The following PLXNC1 variants were observed in gnomAD, a reference collection of about 807,000 sequenced individuals.
PLXNC1 encodes plexin-C1.
Under a neutral mutation model 178.2 loss-of-function variants are expected in PLXNC1, and 75 were observed. The observed-to-expected ratio is 0.42, with a 90% CI of 0.35 to 0.51. The LOEUF (loss-of-function observed/expected upper bound fraction) is 0.51. Ranked by LOEUF, PLXNC1 falls within the 20% of genes least tolerant of loss-of-function variation. The pLI is 0.02. For synonymous variants in PLXNC1, 790 were observed against 779.9 expected, an observed-to-expected ratio of 1.01 and a Z score of -0.22; for missense variants, 1,503 against 1,984.4, an observed-to-expected ratio of 0.76 and a Z score of 4.61.
chr12:94,218,932 G>A (rs777859241), intron 5 of PLXNC1, among the ~76,000 whole-genome samples: 38 of 152,238 alleles, frequency 2.5e-4, no homozygotes, highest in South Asian at 4.1e-4. Context: ...ATCAAGGCAC[G>A]CTGTCTTAAA....
At chr12:94,258,106 G>T (rs1234088109) in intron 17 of PLXNC1, among the ~76,000 whole-genome samples, 1 of 152,086 alleles carries the variant, frequency 6.6e-6, no homozygotes, top group East Asian at 1.9e-4. Flanking sequence ...CTGCCCGGGC[G>T]ACAGAGCAAG....
chr12:94,149,592 C>T lies in PLXNC1; in HGVS notation c.621C>T (p.Leu207=). The T allele has an allele frequency of 1.9e-6, 3 of 1,574,808 alleles. No homozygotes were observed. Among genetic ancestry groups the T allele is most frequent in the Non-Finnish European group, 2.6e-6 (3 of 1,162,476 alleles). ...CCGACCACGACACGGCCATCGCGCT[C>T]AAGGACACGGAGGGGCGCAGCCTGG... The part of the protein sequence containing the change: ...AASDHDTAIA[L]KDTEGRSLAT... The change falls in exon 1 of 31, where the codon CTC becomes CTT. Residue 207 remains leucine (L), a synonymous_variant. Transcript: ENST00000258526.
chr12:94,163,816 A>G (rs1961486484), intron 1 of PLXNC1, among the ~76,000 whole-genome samples: 1 of 152,176 alleles, frequency 6.6e-6, no homozygotes. Context: ...TAACTTAGTC[A>G]GATCCCGGTC....
At chr12:94,199,814 T>C (rs1284558377) in intron 4 of PLXNC1, among the ~76,000 whole-genome samples, 3 of 152,292 alleles carry the variant, frequency 2.0e-5, no homozygotes, top group Non-Finnish European at 4.4e-5. Context: ...TTTTTTTAGA[T>C]GGAGTCTCAT....
intron 5 of PLXNC1, among the ~76,000 whole-genome samples, chr12:94,219,029 A>G (rs1963720154): frequency 6.6e-6 from 1 of 152,230 alleles, no homozygotes; most frequent in African/African-American, 2.4e-5. Flanking sequence ...AATTTTTCTA[A>G]CATTAAGGCA....
Position 94,224,209 on chromosome 12 carries a change from TTTCCCCCC to T in PLXNC1, c.1703-13_1703-6del. 6.8e-7 allele frequency: 1 copy of T among 1,460,542 alleles called. No individual in the cohort carries two copies. The highest frequency in any genetic ancestry group is 9.6e-7 in the Non-Finnish European group (1 of 1,039,994). The allele number at this position is 1,460,542 out of a possible 1,614,324, so 90.5% of individuals were successfully genotyped here. On this transcript the variant is annotated splice_polypyrimidine_tract_variant and intron_variant, in intron 6 of 30. Transcript: ENST00000258526. The stretch of plus-strand genomic sequence containing the variant: ...AGCAGGACTCCACCGTAAATGACAT[TTTCCCCCC>T]TTCCCTCCAGATGTTTCAGTTGTCA...
intron 2 of PLXNC1, among the ~76,000 whole-genome samples, chr12:94,180,050 C>T (rs1962250333): frequency 6.6e-6 from 1 of 152,162 alleles, no homozygotes; most frequent in Non-Finnish European, 1.5e-5. Context: ...CTCCCGATGG[C>T]TCTTCATACC....
chr12:94,181,340 A>T, intron 2 of PLXNC1, 106 bp from the exon 3 acceptor site: 1 of 724,518 alleles, frequency 1.4e-6, no homozygotes, highest in Admixed American at 2.8e-5. Flanking sequence ...GTGAGCCAAG[A>T]TCATGCCAAT....
At chr12:94,222,408 A>G (rs1287318939) in intron 6 of PLXNC1, among the ~76,000 whole-genome samples, 1 of 152,058 alleles carries the variant, frequency 6.6e-6, no homozygotes, top group Non-Finnish European at 1.5e-5. Context: ...CCCTTTCACA[A>G]AATCCTGTCT....
At chr12:94,212,279 A>T (rs1963498235) in intron 5 of PLXNC1, among the ~76,000 whole-genome samples, 1 of 99,030 alleles carries the variant, frequency 1.0e-5, no homozygotes, top group East Asian at 2.4e-4. Flanking sequence ...GTCTCAAAAA[A>T]AAAAAAAAAA....
intron 4 of PLXNC1, among the ~76,000 whole-genome samples, chr12:94,189,573 G>A (rs566855974): frequency 2.0e-5 from 3 of 152,158 alleles, no homozygotes; most frequent in South Asian, 4.2e-4. Flanking sequence ...CCAGCTACTC[G>A]GGAGGTTAAG....
At chr12:94,296,223 C>T (rs934610055) in intron 24 of PLXNC1, among the ~76,000 whole-genome samples, 9 of 152,162 alleles carry the variant, frequency 5.9e-5, no homozygotes, top group African/African-American at 2.2e-4. Context: ...TGCAGTGGTA[C>T]AATCATGGCT....
At chr12:94,229,441 C>T (rs1027569580) in intron 9 of PLXNC1, among the ~76,000 whole-genome samples, 28 of 152,020 alleles carry the variant, frequency 1.8e-4, no homozygotes, top group African/African-American at 6.3e-4. Context: ...TCTTTTATTG[C>T]CCATGCTTTT....
chr12:94,278,134 G>C, intron 21 of PLXNC1: 1 of 400,158 alleles, frequency 2.5e-6, no homozygotes, highest in South Asian at 1.7e-5. Context: ...TAGACTCTCC[G>C]CTCCTTAAAA....
intron 21 of PLXNC1, among the ~76,000 whole-genome samples, chr12:94,266,420 G>C (rs1042182757): frequency 6.6e-6 from 1 of 152,218 alleles, no homozygotes; most frequent in Admixed American, 6.5e-5. Context: ...CGGAGAGTGG[G>C]CTGCATTGGT....
At chr12:94,259,136 C>T (rs1417789277) in intron 17 of PLXNC1, among the ~76,000 whole-genome samples, 1 of 152,156 alleles carries the variant, frequency 6.6e-6, no homozygotes, top group African/African-American at 2.4e-5. Flanking sequence ...TAGAGGCTTT[C>T]GGAATTCAGT....
rs1373480509 is a variant in PLXNC1 at position 94,149,177 on chromosome 12, A to T, written c.206A>T (p.Asp69Val). The T allele has an allele frequency of 3.1e-6, 5 of 1,590,480 alleles. No homozygotes were observed. The highest frequency in any genetic ancestry group is 4.3e-6 in the Non-Finnish European group (5 of 1,172,532). The change falls in exon 1 of 31, where the codon GAC (aspartate) becomes GTC (valine). Residue 69 changes from aspartate to valine, a missense_variant. Physicochemically the swap from Asp to Val is radical, Grantham distance 152. Transcript: ENST00000258526. The stretch of plus-strand genomic sequence containing the variant: ...AGCGGCAGCTGCCTGGACCAGCTGG[A>T]CTACAGCCTGGAGCACAGCCTCTCG... The part of the protein sequence containing the change: ...VASGSCLDQL[D>V]YSLEHSLSRL...
intron 5 of PLXNC1, among the ~76,000 whole-genome samples, chr12:94,213,258 C>T (rs1443703401): frequency 6.6e-6 from 1 of 152,230 alleles, no homozygotes; most frequent in Non-Finnish European, 1.5e-5. Flanking sequence ...AACTAGTTTA[C>T]ACTCCCACCA....
At chr12:94,185,751 T>A (rs1413196101) in intron 3 of PLXNC1, among the ~76,000 whole-genome samples, 1 of 152,238 alleles carries the variant, frequency 6.6e-6, no homozygotes, top group Non-Finnish European at 1.5e-5. Flanking sequence ...GTCCTCCTCG[T>A]TTCCACATTG....
Sources: gnomAD v4.1 joint callset for allele counts (sites outside exome capture counted in the v4.1 genomes callset) on GRCh38, gnomAD v4.1.1 for gene constraint, MANE v1.5 for transcripts, NCBI Gene and HGNC (gene_info 2026-07-23, HGNC 2026-07-21) for gene names.